The following CD46 variants were observed in gnomAD, a reference collection of about 807,000 sequenced individuals.
CD46 encodes the protein CD46 molecule.
Under a neutral mutation model 53.3 loss-of-function variants are expected in CD46, and 30 were observed. The ratio of observed to expected loss-of-function variants is 0.56; its 90% confidence interval spans 0.42 to 0.76. The LOEUF (loss-of-function observed/expected upper bound fraction) is 0.76. Ranked by LOEUF, CD46 falls within the 30% of genes least tolerant of loss-of-function variation. The probability of loss-of-function intolerance (pLI) is 0.00; values close to 1 mark genes in which losing one functional copy is unlikely to be tolerated. For missense variants in CD46, 409 were observed against 463.0 expected, an observed-to-expected ratio of 0.88 and a Z score of 1.07; for synonymous variants, 142 against 152.0, an observed-to-expected ratio of 0.93 and a Z score of 0.48.
Position 207,760,830 on chromosome 1 carries a change from G to A in CD46, c.476-419G>A, listed in dbSNP as rs1001864529. The A allele has an allele frequency of 4.6e-5, 8 of 173,294 alleles. No individual in the cohort carries two copies. In the South Asian group the frequency reaches 1.0e-3, roughly 22 times the overall value. The allele number at this position is 173,294 out of a possible 1,614,324, so 10.7% of individuals were successfully genotyped here. A position where few individuals can be genotyped will look rare whatever the true frequency, so the allele number is the denominator to read the frequency against. On this transcript the variant is annotated intron_variant, in intron 4 of 12. Coordinates refer to ENST00000367042, the MANE Select transcript of CD46 (RefSeq NM_172351.3). ...AGGTGGGGAGGACGGGAGGTGTTGC[G>A]CACTTTTAAATAACCAGATCTCCCA...
At chr1:207,785,295 T>C (rs181849662) in intron 10 of CD46, among the ~76,000 whole-genome samples, 189 bp downstream of exon 10, 232 of 152,366 alleles carry the variant, frequency 1.5e-3, no homozygotes, top group African/African-American at 5.0e-3. Context: ...TACTCTGTTA[T>C]ATTCTGTATA....
intron 12 of CD46, among the ~76,000 whole-genome samples, chr1:207,791,200 G>C (rs1365214077): frequency 2.6e-5 from 4 of 152,112 alleles, no homozygotes; most frequent in Non-Finnish European, 4.4e-5. Flanking sequence ...TATCCACGGG[G>C]GATACATTCC....
chr1:207,791,607 G>T (rs543956140), intron 12 of CD46, among the ~76,000 whole-genome samples: 1 of 152,316 alleles, frequency 6.6e-6, no homozygotes, highest in Non-Finnish European at 1.5e-5. Flanking sequence ...AATCTAAAAC[G>T]TAGTTCTGTA....
chr1:207,767,520 TA>T, intron 6 of CD46: 1 of 1,099,536 alleles, frequency 9.1e-7, no homozygotes, highest in Non-Finnish European at 1.4e-6. Context: ...TTTATCTAAG[TA>T]AGTCAACAAT....
At chr1:207,773,373 G>A (rs904239856) in intron 8 of CD46, among the ~76,000 whole-genome samples, 2 of 152,126 alleles carry the variant, frequency 1.3e-5, no homozygotes, top group African/African-American at 2.4e-5. Context: ...TTTTTGAAGG[G>A]TTTTTTATAT....
chr1:207,791,952 G>T (rs561765472), intron 12 of CD46, among the ~76,000 whole-genome samples: 2 of 152,134 alleles, frequency 1.3e-5, no homozygotes, highest in Non-Finnish European at 1.5e-5. Context: ...TAAAGAAAGA[G>T]ATTCTACTAC....
chr1:207,792,717 C>T (rs1303888699), intron 12 of CD46, among the ~76,000 whole-genome samples: 5 of 152,160 alleles, frequency 3.3e-5, no homozygotes, highest in Non-Finnish European at 7.3e-5. Flanking sequence ...TTTACTAAGG[C>T]AGGGAGGGCC....
At position 207,752,081 on chromosome 1, in the gene CD46, G is replaced by C. The variant is rs1654957266; in HGVS notation, c.-132G>C. 1.1e-6 allele frequency: 1 copy of C among 926,544 alleles called. No individual in the cohort carries two copies. The highest frequency in any genetic ancestry group is 2.4e-5 in the East Asian group (1 of 41,852). The allele number at this position is 926,544 out of a possible 1,614,324, so 57.4% of individuals were successfully genotyped here. ...GGCTCGGGCCACGCCCACCTGTCCTGCAGCACTGGATGCTTTGTGAGTTGG... is the reference window on the plus strand; with the variant it reads ...GGCTCGGGCCACGCCCACCTGTCCTCCAGCACTGGATGCTTTGTGAGTTGG... On this transcript the variant is annotated 5_prime_UTR_variant, in exon 1 of 13. Coordinates refer to ENST00000367042, the MANE Select transcript of CD46 (RefSeq NM_172351.3). The surrounding 1 kb of genome is among the most constrained non-coding windows in gnomAD (Gnocchi z 4.1).
intron 4 of CD46, chr1:207,760,159 T>C (rs545037932): frequency 3.9e-4 from 64 of 163,198 alleles, no homozygotes; most frequent in Admixed American, 7.1e-4. Context: ...ATTACAAATG[T>C]GAGCCACCCC....
intron 8 of CD46, among the ~76,000 whole-genome samples, chr1:207,776,067 G>A (rs1167820538): frequency 6.6e-6 from 1 of 152,214 alleles, no homozygotes; most frequent in Non-Finnish European, 1.5e-5. Flanking sequence ...AGCTACTCAA[G>A]CCTCAGCAAT....
chr1:207,771,747 T>C (rs1657528675), intron 8 of CD46, among the ~76,000 whole-genome samples: 2 of 152,252 alleles, frequency 1.3e-5, no homozygotes, highest in Non-Finnish European at 2.9e-5. Context: ...TTCTGTTCCA[T>C]TGATCTATAT....
intron 8 of CD46, among the ~76,000 whole-genome samples, chr1:207,782,040 A>G (rs1571672545): frequency 6.6e-6 from 1 of 152,062 alleles, no homozygotes; most frequent in East Asian, 1.9e-4. Context: ...AAAATACTAA[A>G]TTTTTCCAAT....
At chr1:207,762,290 G>A (rs145802577) in intron 5 of CD46, among the ~76,000 whole-genome samples, 14 of 152,236 alleles carry the variant, frequency 9.2e-5, no homozygotes, top group African/African-American at 2.9e-4. Context: ...GGAATGTATA[G>A]CATAATATAC....
chr1:207,779,670 G>C (rs1324274714), intron 8 of CD46, among the ~76,000 whole-genome samples: 1 of 152,028 alleles, frequency 6.6e-6, no homozygotes, highest in Non-Finnish European at 1.5e-5. Flanking sequence ...TTTGGTCTTT[G>C]CACTTAAATC....
chr1:207,757,192 C>T lies in CD46; in HGVS notation c.276C>T (p.Asp92=), dbSNP rs148383499. 3.3e-4 allele frequency: 532 copies of T among 1,612,870 alleles called. No individual in the cohort carries two copies. Among genetic ancestry groups the T allele is most frequent in the Admixed American group, 5.3e-4 (32 of 59,992 alleles). ...RNHTWLPVSD[D]ACYRETCPYI... Reference sequence around the variant, plus strand: ...ATACATGGCTACCTGTCTCAGATGACGCCTGTTATAGTAAGTAAACAAACC... The same window carrying T: ...ATACATGGCTACCTGTCTCAGATGATGCCTGTTATAGTAAGTAAACAAACC... Residue 92 remains aspartate (D), a synonymous_variant, in exon 2 of 13, where the codon GAC becomes GAT. Transcript: ENST00000367042.
At chr1:207,759,614 A>G in intron 3 of CD46, 25 bp from the exon 4 acceptor site, 1 of 1,270,938 alleles carries the variant, frequency 7.9e-7, no homozygotes, top group Non-Finnish European at 1.1e-6. Context: ...TATACAAAAC[A>G]GTAACCCTTT....
intron 12 of CD46, among the ~76,000 whole-genome samples, chr1:207,793,136 T>C (rs74152398): frequency 1.2e-4 from 18 of 152,310 alleles, no homozygotes; most frequent in African/African-American, 3.6e-4. Context: ...ACTTGAACAG[T>C]TAGAACCACT....
chr1:207,790,262 A>G lies in CD46; in HGVS notation c.1092A>G (p.Leu364=), dbSNP rs766067994. The change falls in exon 12 of 13, where the codon CTA becomes CTG. Residue 364 remains leucine (L), a synonymous_variant. Coordinates refer to ENST00000367042, the MANE Select transcript of CD46 (RefSeq NM_172351.3). The part of the protein sequence containing the change: ...LQRRKKKGTY[L]TDETHREVKF... ...CTCTTCCTCTGTTCAGCACATACCT[A>G]ACTGATGAGACCCACAGAGAAGTAA... is the stretch of plus-strand genomic sequence containing the variant. 1.3e-6 allele frequency: 2 copies of G among 1,574,526 alleles called. No individual in the cohort carries two copies. The highest frequency in any genetic ancestry group is 1.7e-6 in the Non-Finnish European group (2 of 1,144,098).
intron 6 of CD46, 156 bp downstream of exon 6, chr1:207,767,351 T>C (rs1020883880): frequency 1.0e-5 from 8 of 766,036 alleles, no homozygotes; most frequent in Non-Finnish European, 1.7e-5. Context: ...CTATGCCAGA[T>C]GAATGACACG....
Sources: gnomAD v4.1 joint callset for allele counts (sites outside exome capture counted in the v4.1 genomes callset) on GRCh38, gnomAD v4.1.1 for gene constraint, Gnocchi (gnomAD v3.1) non-coding constraint, MANE v1.5 for transcripts, NCBI Gene and HGNC (gene_info 2026-07-23, HGNC 2026-07-21) for gene names.